The following POLQ variants were observed in gnomAD, a reference collection of about 807,000 sequenced individuals.
POLQ encodes DNA polymerase theta.
A neutral mutation model predicts 259.2 loss-of-function variants in POLQ; 233 were observed. The ratio of observed to expected loss-of-function variants is 0.90; its 90% CI spans 0.81 to 1.00. The LOEUF (loss-of-function observed/expected upper bound fraction) is 1.00, where lower values mean the gene tolerates loss of function less well. POLQ is among the 50% of genes least tolerant of loss of function. The pLI is 0.00. For synonymous variants in POLQ, 1,025 were observed against 1,048.8 expected (o/e 0.98, Z 0.44); for missense variants, 2,871 against 3,051.6 (o/e 0.94, Z 1.39).
At chr3:121,438,923 T>C (rs1043383803) in intron 27 of POLQ, among the ~76,000 whole-genome samples, 2 of 152,206 alleles carry the variant, frequency 1.3e-5, no homozygotes, top group Non-Finnish European at 2.9e-5. Flanking sequence ...AAAGCATTAA[T>C]GCTCTGAAGG....
intron 3 of POLQ, 91 bp from the exon 4 acceptor site, chr3:121,539,680 T>A: frequency 1.1e-6 from 1 of 871,926 alleles, no homozygotes; most frequent in Non-Finnish European, 1.9e-6. Context: ...GACATAAGTA[T>A]CTAAAGACAT....
At chr3:121,453,158 A>G (rs1248286358) in intron 25 of POLQ, among the ~76,000 whole-genome samples, 1 of 152,238 alleles carries the variant, frequency 6.6e-6, no homozygotes, top group Non-Finnish European at 1.5e-5. Flanking sequence ...AGCAAACTCC[A>G]ACAGACCTGC....
At chr3:121,511,808 A>G in intron 10 of POLQ, 79 bp downstream of exon 10, 2 of 1,113,844 alleles carry the variant, frequency 1.8e-6, no homozygotes, top group African/African-American at 1.6e-5. Flanking sequence ...AAATAAATAA[A>G]GCTAAGATTT....
At chr3:121,437,829 C>G (rs1343513563) in intron 27 of POLQ, among the ~76,000 whole-genome samples, 1 of 152,166 alleles carries the variant, frequency 6.6e-6, no homozygotes, top group East Asian at 1.9e-4. Context: ...TAAGAGTATA[C>G]AGCTATTCCT....
In POLQ at chr3:121,488,686, C is replaced by T. The variant is rs200756145; in HGVS notation, c.4245G>A (p.Pro1415=). The T allele has an allele frequency of 3.1e-6, 5 of 1,612,774 alleles. No homozygotes were observed. Among genetic ancestry groups the T allele is most frequent in the South Asian group, 2.2e-5 (2 of 90,552 alleles). Residue 1415 remains proline, a synonymous_variant, in exon 16 of 30, where the codon CCG becomes CCA. Transcript: ENST00000264233. ...CCAATAGTATTGGAGAATGGAAAATCGGGCTTTCTGGAGTCAGGATATCAA... is the reference window on the plus strand; with the variant it reads ...CCAATAGTATTGGAGAATGGAAAATTGGGCTTTCTGGAGTCAGGATATCAA... ...HGVDILTPES[P]IFHSPILLEE...
At chr3:121,466,683 T>C (rs1189215692) in intron 24 of POLQ, among the ~76,000 whole-genome samples, 8 of 145,158 alleles carry the variant, frequency 5.5e-5, no homozygotes, top group African/African-American at 7.7e-5. Context: ...AGAGGGAAAC[T>C]CCATCTCGAA....
intron 12 of POLQ, among the ~76,000 whole-genome samples, chr3:121,504,604 A>T (rs1319114978): frequency 6.6e-6 from 1 of 152,244 alleles, no homozygotes; most frequent in Non-Finnish European, 1.5e-5. Context: ...CTACAGGTCA[A>T]TATATCTTAT....
At chr3:121,526,376 T>C (rs997246407) in intron 7 of POLQ, among the ~76,000 whole-genome samples, 1 of 152,324 alleles carries the variant, frequency 6.6e-6, no homozygotes, top group African/African-American at 2.4e-5. Flanking sequence ...AGCTGTTTTA[T>C]AGACATGAGT....
chr3:121,485,485 G>C (rs1466428469), intron 16 of POLQ, among the ~76,000 whole-genome samples: 3 of 152,160 alleles, frequency 2.0e-5, no homozygotes, highest in Middle Eastern at 6.3e-3. Context: ...CAGATCATTT[G>C]CATACTACAA....
At position 121,471,942 on chromosome 3, in the gene POLQ, C is replaced by T. The variant is rs374777993; in HGVS notation, c.6718+48G>A. On this transcript the variant is annotated intron_variant, in intron 22 of 29. Transcript: ENST00000264233. ...ATAAAAAATATTACATATGAAAATG[C>T]TTTTCCTTCAAAATTGGATATTGTT... 1.3e-4 allele frequency: 142 copies of T among 1,103,006 alleles called. 1 individual carries two copies. In the African/African-American group the frequency reaches 1.8e-3, roughly 14 times the overall value. 68.3% of individuals were successfully genotyped at this position (1,103,006 alleles called of 1,614,324 possible).
Position 121,481,710 on chromosome 3 carries a change from T to C in POLQ, c.6073A>G (p.Thr2025Ala). ...CCCAGGCTTTGAATCCCTTGGCTGGTCTCCATCCCTTCTAGGAGTGGAAGC... is the reference window on the plus strand; with the variant it reads ...CCCAGGCTTTGAATCCCTTGGCTGGCCTCCATCCCTTCTAGGAGTGGAAGC... ...HELPLLEGME[T>A]SQGIQSLGLN... The change falls in exon 19 of 30, where the codon ACC (threonine) becomes GCC (alanine). Residue 2025 changes from threonine to alanine, a missense_variant. Transcript: ENST00000264233. 1 of 1,614,112 alleles carries C rather than the reference T, an allele frequency of 6.2e-7. No individual in the cohort carries two copies. Among genetic ancestry groups the C allele is most frequent in the East Asian group, 2.2e-5 (1 of 44,874 alleles).
chr3:121,532,641 C>A (rs1441632012), intron 6 of POLQ, among the ~76,000 whole-genome samples: 5 of 151,840 alleles, frequency 3.3e-5, no homozygotes, highest in African/African-American at 9.7e-5. Context: ...TCAAGCAATT[C>A]TCCTGCCTCA....
chr3:121,454,039 G>C (rs2047706951), intron 25 of POLQ, among the ~76,000 whole-genome samples: 1 of 152,212 alleles, frequency 6.6e-6, no homozygotes, highest in African/African-American at 2.4e-5. Flanking sequence ...TCTCTCGGCA[G>C]AAACTCTACA....
At chr3:121,498,789 T>C in intron 12 of POLQ, 119 bp from the exon 13 acceptor site, 1 of 694,092 alleles carries the variant, frequency 1.4e-6, no homozygotes, top group Non-Finnish European at 2.3e-6. Context: ...TAGTCCTAGC[T>C]ACTCAGAAGG....
At chr3:121,459,384 T>TTG (rs2047771479) in intron 25 of POLQ, among the ~76,000 whole-genome samples, 3 of 142,964 alleles carry the variant, frequency 2.1e-5, no homozygotes, top group Non-Finnish European at 3.1e-5. Flanking sequence ...TTTTTTTTTT[T>TTG]TTTTTTTTGT....
chr3:121,469,477 A>T (rs1488418961), intron 22 of POLQ, among the ~76,000 whole-genome samples: 1 of 152,142 alleles, frequency 6.6e-6, no homozygotes, highest in East Asian at 1.9e-4. Flanking sequence ...TTTTTGAATG[A>T]TCCCCTAATA....
chr3:121,469,067 A>G (rs1424899646), intron 22 of POLQ, among the ~76,000 whole-genome samples: 1 of 151,970 alleles, frequency 6.6e-6, no homozygotes, highest in Non-Finnish European at 1.5e-5. Flanking sequence ...GGTGCCTGCA[A>G]TCCTCAGCTA....
Position 121,471,802 on chromosome 3 carries a change from C to T in POLQ, c.6718+188G>A, listed in dbSNP as rs1190995226. Among the ~76,000 whole-genome samples, 8 of 152,188 alleles carry T rather than the reference C, an allele frequency of 5.3e-5. No homozygotes were observed. The South Asian group carries it at 1.7e-3, about 32-fold the overall frequency. ...AAATAAATAAAAATAAAAGCAGGAACCAATACTCATCTCTGTACCCAGGTA... is the reference window on the plus strand; with the variant it reads ...AAATAAATAAAAATAAAAGCAGGAATCAATACTCATCTCTGTACCCAGGTA... On this transcript the variant is annotated intron_variant, in intron 22 of 29. Coordinates refer to ENST00000264233, the MANE Select transcript of POLQ (RefSeq NM_199420.4).
intron 7 of POLQ, among the ~76,000 whole-genome samples, chr3:121,528,531 C>G (rs1036284572): frequency 8.6e-5 from 13 of 151,730 alleles, no homozygotes; most frequent in Non-Finnish European, 1.5e-4. Context: ...TTAGTACAAA[C>G]GGGGTTTCAC....
Sources: allele counts gnomAD v4.1 joint callset (sites outside exome capture counted in the v4.1 genomes callset), GRCh38; gene constraint gnomAD v4.1.1; transcripts MANE v1.5; gene names NCBI Gene and HGNC (gene_info 2026-07-23, HGNC 2026-07-21).